LRRIQ1: variants seen among roughly 807,000 people sequenced by gnomAD.
LRRIQ1 encodes the protein leucine rich repeats and IQ motif containing 1.
In LRRIQ1, 210 loss-of-function variants were observed where a neutral mutation model predicts 211.9. That is an observed-to-expected ratio of 0.99 (90% CI 0.89 to 1.11). The LOEUF is 1.11. Ranked by LOEUF, LRRIQ1 falls within the 50% of genes most tolerant of loss-of-function variation. LRRIQ1 has a pLI of 0.00. For missense variants in LRRIQ1, 2,136 were observed against 1,939.5 expected (o/e 1.10, Z -1.90); for synonymous variants, 699 against 650.1 (o/e 1.08, Z -1.14).
intron 24 of LRRIQ1, among the ~76,000 whole-genome samples, chr12:85,219,639 A>G (rs1037736130): frequency 6.6e-6 from 1 of 151,988 alleles, no homozygotes; most frequent in Non-Finnish European, 1.5e-5. Flanking sequence ...TAAAGGAGTG[A>G]CTGGTGCTAA....
intron 24 of LRRIQ1, among the ~76,000 whole-genome samples, chr12:85,165,170 G>A (rs1195871431): frequency 1.3e-5 from 2 of 152,016 alleles, no homozygotes; most frequent in African/African-American, 2.4e-5. Context: ...AGATTCAGGG[G>A]TAACATGGGC....
chr12:85,083,674 G>A (rs1449094400), intron 11 of LRRIQ1, among the ~76,000 whole-genome samples: 1 of 152,054 alleles, frequency 6.6e-6, no homozygotes, highest in African/African-American at 2.4e-5. Context: ...TCTTGACCTC[G>A]TGATCTGCCT....
chr12:85,114,609 T>A (rs546384182), intron 15 of LRRIQ1, among the ~76,000 whole-genome samples: 54 of 152,312 alleles, frequency 3.5e-4, no homozygotes, highest in African/African-American at 1.3e-3. Flanking sequence ...TTACTGCTTT[T>A]GTTGAGTTTA....
chr12:85,059,558 G>T (rs758510052), intron 8 of LRRIQ1, among the ~76,000 whole-genome samples: 21 of 151,914 alleles, frequency 1.4e-4, no homozygotes, highest in Non-Finnish European at 2.2e-4. Context: ...AAAATTTGAA[G>T]TATGGTTTCA....
rs767791566 is a variant in LRRIQ1, at chr12:85,232,754, G to A, written c.5014G>A (p.Val1672Met). Residue 1672 changes from valine to methionine, a missense_variant and splice_region_variant, in exon 26 of 27, where the codon GTG (valine) becomes ATG (methionine). Val to Met is a conservative substitution (Grantham distance 21). Coordinates refer to ENST00000393217, the MANE Select transcript of LRRIQ1 (RefSeq NM_001079910.2). ...ACTTAATGGTGGAAGAGTTCAGCTTGTGGTAAGAAATGTGCTTAAAGTTAC... is the reference window on the plus strand; with the variant it reads ...ACTTAATGGTGGAAGAGTTCAGCTTATGGTAAGAAATGTGCTTAAAGTTAC... ...DVLNGGRVQL[V>M]ARLVSREDTD... The A allele has an allele frequency of 5.5e-5, 88 of 1,611,648 alleles. No homozygotes were observed. The highest frequency in any genetic ancestry group is 1.2e-5 in the Non-Finnish European group (14 of 1,178,310).
At chr12:85,231,647 T>C (rs1282997674) in intron 25 of LRRIQ1, among the ~76,000 whole-genome samples, 2 of 151,964 alleles carry the variant, frequency 1.3e-5, no homozygotes, top group African/African-American at 4.8e-5. Flanking sequence ...AATGGGGAAA[T>C]AGACACACAT....
chr12:85,100,581 A>C (rs1037549994), intron 13 of LRRIQ1, among the ~76,000 whole-genome samples: 2 of 151,748 alleles, frequency 1.3e-5, no homozygotes, highest in African/African-American at 2.4e-5. Flanking sequence ...CTTAATTTTT[A>C]AAACTCATCT....
Position 85,073,027 on chromosome 12 carries a change from C to G in LRRIQ1, c.2816C>G (p.Ser939Cys), listed in dbSNP as rs1173272355. The change falls in exon 11 of 27, where the codon TCC becomes TGC. Residue 939 changes from serine (S) to cysteine (C), a missense_variant. Coordinates refer to ENST00000393217, the MANE Select transcript of LRRIQ1 (RefSeq NM_001079910.2). ...QVWIPTGLCW[S>C]WIPITSLTKN... is the part of the protein sequence containing the mutation. ...TGGATTCCAACTGGATTATGTTGGT[C>G]CTGGATACCTATTACCTCACTTACA... 1 of 1,612,176 alleles carries G rather than the reference C, an allele frequency of 6.2e-7. No individual in the cohort carries two copies. The highest frequency in any genetic ancestry group is 8.5e-7 in the Non-Finnish European group (1 of 1,178,800).
chr12:85,240,370 A>G (rs1026214578), intron 26 of LRRIQ1, among the ~76,000 whole-genome samples: 1 of 152,182 alleles, frequency 6.6e-6, no homozygotes, highest in Non-Finnish European at 1.5e-5. Flanking sequence ...AAAATGGTAC[A>G]GCCACTCTGG....
At chr12:85,054,007 G>A (rs902846373) in intron 7 of LRRIQ1, among the ~76,000 whole-genome samples, 2 of 152,212 alleles carry the variant, frequency 1.3e-5, no homozygotes, top group African/African-American at 2.4e-5. Context: ...CCTTAACAAT[G>A]TAAAGATATG....
intron 2 of LRRIQ1, among the ~76,000 whole-genome samples, chr12:85,038,569 T>C (rs1878472533): frequency 6.6e-6 from 1 of 151,736 alleles, no homozygotes; most frequent in Admixed American, 6.6e-5. Context: ...AAGAAAAATG[T>C]ATATGAAATC....
At position 85,056,388 on chromosome 12, in the gene LRRIQ1, C is replaced by A. The variant is rs1881071213; in HGVS notation, c.1595C>A (p.Ser532Tyr). Residue 532 changes from serine to tyrosine, a missense_variant, in exon 8 of 27, where the codon TCT (serine) becomes TAT (tyrosine). Coordinates refer to ENST00000393217, the MANE Select transcript of LRRIQ1 (RefSeq NM_001079910.2). ...KEQFPLQELKSDAQKEEKIMK... is the reference protein window; with the variant it reads ...KEQFPLQELKYDAQKEEKIMK... Reference sequence around the variant, plus strand: ...CAGTTTCCATTGCAAGAATTAAAGTCTGATGCACAAAAAGAAGAAAAAATC... The same window carrying A: ...CAGTTTCCATTGCAAGAATTAAAGTATGATGCACAAAAAGAAGAAAAAATC... 1.9e-6 allele frequency: 3 copies of A among 1,588,910 alleles called. No homozygotes were observed. The highest frequency in any genetic ancestry group is 1.2e-5 in the South Asian group (1 of 84,476).
chr12:85,178,955 T>C (rs1312788365), intron 24 of LRRIQ1, among the ~76,000 whole-genome samples: 2 of 150,522 alleles, frequency 1.3e-5, no homozygotes, highest in Non-Finnish European at 1.5e-5. Flanking sequence ...AGAAACCTTA[T>C]GTAAATGGGC....
chr12:85,065,806 T>G (rs1882367749), intron 9 of LRRIQ1, among the ~76,000 whole-genome samples: 1 of 151,878 alleles, frequency 6.6e-6, no homozygotes. Context: ...GTAACTGCAG[T>G]GAGATGGAAG....
chr12:85,152,710 T>C (rs1454523046), intron 20 of LRRIQ1, among the ~76,000 whole-genome samples: 1 of 151,676 alleles, frequency 6.6e-6, no homozygotes, highest in Admixed American at 6.6e-5. Context: ...CAGCTGAAGA[T>C]TTTCAGTCAG....
rs191472231 is a variant in LRRIQ1 at position 85,079,106 on chromosome 12, G to A, written c.2887+6008G>A. Among the ~76,000 whole-genome samples, 12 of 152,154 alleles carry A rather than the reference G, an allele frequency of 7.9e-5. No homozygotes were observed. In the East Asian group the frequency reaches 1.7e-3, roughly 22 times the overall value. ...CCACTATACTCTCTTGACCAAATGA[G>A]AGTGAAAAACCAAATAGCATTTTGG... On this transcript the variant is annotated intron_variant, in intron 11 of 26. Coordinates refer to ENST00000393217, the MANE Select transcript of LRRIQ1 (RefSeq NM_001079910.2).
intron 24 of LRRIQ1, among the ~76,000 whole-genome samples, chr12:85,198,189 T>A (rs1041792300): frequency 3.0e-5 from 4 of 131,962 alleles, no homozygotes; most frequent in African/African-American, 8.5e-5. Context: ...ATATATATAT[T>A]TTTTCTTTAT....
At chr12:85,114,169 A>G (rs1002700670) in intron 15 of LRRIQ1, among the ~76,000 whole-genome samples, 3 of 152,138 alleles carry the variant, frequency 2.0e-5, no homozygotes, top group African/African-American at 2.4e-5. Context: ...AAACAAGAGT[A>G]TAATTACATC....
At chr12:85,074,881 A>C (rs1883470181) in intron 11 of LRRIQ1, among the ~76,000 whole-genome samples, 1 of 152,114 alleles carries the variant, frequency 6.6e-6, no homozygotes, top group Non-Finnish European at 1.5e-5. Context: ...AGCCAAAGCA[A>C]ATGAAAAATG....
Sources: allele counts gnomAD v4.1 joint callset (sites outside exome capture counted in the v4.1 genomes callset), GRCh38; gene constraint gnomAD v4.1.1; transcripts MANE v1.5; gene names NCBI Gene and HGNC (gene_info 2026-07-23, HGNC 2026-07-21).